The following ITFG1 variants were observed in gnomAD, a reference collection of about 807,000 sequenced individuals.
ITFG1 encodes integrin alpha FG-GAP repeat containing 1, also known as T-cell immunomodulatory protein.
A neutral mutation model predicts 81.8 loss-of-function variants in ITFG1; 34 were observed. The observed-to-expected ratio is 0.42, with a 90% CI of 0.32 to 0.55. The LOEUF is 0.55. Ranked by LOEUF, ITFG1 falls within the 20% of genes least tolerant of loss-of-function variation. ITFG1 has a pLI of 0.17. For missense variants in ITFG1, 672 were observed against 755.4 expected, an observed-to-expected ratio of 0.89 and a Z score of 1.29; for synonymous variants, 285 against 270.6, an observed-to-expected ratio of 1.05 and a Z score of -0.52.
At chr16:47,230,630 G>A (rs1965806058) in intron 13 of ITFG1, among the ~76,000 whole-genome samples, 1 of 152,218 alleles carries the variant, frequency 6.6e-6, no homozygotes, top group Non-Finnish European at 1.5e-5. Context: ...TCCTGGAGAG[G>A]AGGCAGGTGT....
chr16:47,459,322 T>G, intron 1 of ITFG1, 147 bp from the exon 2 acceptor site: 2 of 605,684 alleles, frequency 3.3e-6, no homozygotes, highest in Non-Finnish European at 5.9e-6. Flanking sequence ...ATAGTCCCAC[T>G]AGTCCAATGG....
intron 8 of ITFG1, among the ~76,000 whole-genome samples, chr16:47,345,143 C>A (rs747788679): frequency 6.6e-6 from 1 of 152,164 alleles, no homozygotes; most frequent in Non-Finnish European, 1.5e-5. Flanking sequence ...AAAAAAGGAA[C>A]TGGCAAGTCA....
chr16:47,373,469 C>G (rs192868849), intron 7 of ITFG1, among the ~76,000 whole-genome samples: 1 of 152,114 alleles, frequency 6.6e-6, no homozygotes, highest in East Asian at 1.9e-4. Context: ...TTAGTAGAGA[C>G]GGGGTTTCAC....
intron 14 of ITFG1, among the ~76,000 whole-genome samples, chr16:47,181,464 C>A (rs1193591318): frequency 4.1e-5 from 6 of 144,946 alleles, no homozygotes; most frequent in Non-Finnish European, 1.5e-5. Flanking sequence ...GGGGGTCAGC[C>A]CCCCCGCCCG....
chr16:47,226,360 C>T (rs1278564526), intron 13 of ITFG1, among the ~76,000 whole-genome samples: 3 of 152,176 alleles, frequency 2.0e-5, no homozygotes, highest in Non-Finnish European at 4.4e-5. Flanking sequence ...CAGGCATGCG[C>T]CACCACACCC....
At chr16:47,454,348 T>C (rs1969425787) in intron 2 of ITFG1, among the ~76,000 whole-genome samples, 190 bp from the exon 3 acceptor site, 2 of 152,198 alleles carry the variant, frequency 1.3e-5, no homozygotes, top group South Asian at 4.1e-4. Context: ...GAGTTCAGAA[T>C]GAATGCAGAA....
intron 14 of ITFG1, among the ~76,000 whole-genome samples, chr16:47,174,497 C>A (rs922591467): frequency 2.6e-5 from 4 of 152,044 alleles, no homozygotes; most frequent in African/African-American, 9.7e-5. Flanking sequence ...GTCAACATAA[C>A]ACTGAATTCT....
intron 13 of ITFG1, among the ~76,000 whole-genome samples, chr16:47,228,473 C>T (rs1197412846): frequency 6.6e-6 from 1 of 152,194 alleles, no homozygotes; most frequent in Non-Finnish European, 1.5e-5. Context: ...CCTCCCACCT[C>T]AGCCTCCTGA....
At chr16:47,347,726 G>C (rs1218437889) in intron 8 of ITFG1, among the ~76,000 whole-genome samples, 1 of 152,228 alleles carries the variant, frequency 6.6e-6, no homozygotes, top group African/African-American at 2.4e-5. Context: ...TCTGAGATCT[G>C]AGAACGGACA....
chr16:47,244,486 G>A (rs1423442062), intron 12 of ITFG1, among the ~76,000 whole-genome samples: 1 of 152,158 alleles, frequency 6.6e-6, no homozygotes, highest in Non-Finnish European at 1.5e-5. Context: ...TTGGTGACCA[G>A]AGATAAAATA....
At chr16:47,358,778 T>C (rs1215420928) in intron 8 of ITFG1, among the ~76,000 whole-genome samples, 2 of 152,220 alleles carry the variant, frequency 1.3e-5, no homozygotes, top group Non-Finnish European at 2.9e-5. Context: ...AAATAATTCA[T>C]TTAATATTAT....
intron 13 of ITFG1, among the ~76,000 whole-genome samples, chr16:47,228,448 T>C (rs1463863012): frequency 6.6e-6 from 1 of 152,182 alleles, no homozygotes; most frequent in Non-Finnish European, 1.5e-5. Context: ...CGGCCTTGAC[T>C]TGTGCTCAGG....
chr16:47,316,998 C>T (rs375397091), intron 8 of ITFG1, among the ~76,000 whole-genome samples: 22 of 152,258 alleles, frequency 1.4e-4, no homozygotes, highest in East Asian at 9.6e-4. Context: ...CTCAGGTTTT[C>T]TTGAAGGCCA....
intron 14 of ITFG1, among the ~76,000 whole-genome samples, chr16:47,172,731 T>G (rs1964976819): frequency 6.6e-6 from 1 of 152,332 alleles, no homozygotes; most frequent in South Asian, 2.1e-4. Context: ...TGCTACCACC[T>G]TGGTCCAAGC....
rs1457401163 is a variant in ITFG1 at position 47,155,404 on chromosome 16, C to T, written c.*315G>A. 1 of 181,308 alleles carries T rather than the reference C, an allele frequency of 5.5e-6. No homozygotes were observed. Among genetic ancestry groups the T allele is most frequent in the African/African-American group, 2.3e-5 (1 of 42,628 alleles). The allele number at this position is 181,308 out of a possible 1,614,324, so 11.2% of individuals were successfully genotyped here. On this transcript the variant is annotated 3_prime_UTR_variant, in exon 18 of 18. Coordinates refer to ENST00000320640, the MANE Select transcript of ITFG1 (RefSeq NM_030790.5). ...CTGCTCATTTAATTATTTTTATTTA[C>T]ACAACTTTTTCCATCATCATGATGC...
intron 14 of ITFG1, among the ~76,000 whole-genome samples, chr16:47,191,157 A>G (rs1485739085): frequency 1.3e-5 from 2 of 152,210 alleles, no homozygotes; most frequent in African/African-American, 4.8e-5. Flanking sequence ...ATGTTCATTA[A>G]GGTAAACTGT....
intron 6 of ITFG1, among the ~76,000 whole-genome samples, chr16:47,420,161 G>A (rs1968926472): frequency 6.6e-6 from 1 of 152,056 alleles, no homozygotes; most frequent in African/African-American, 2.4e-5. Flanking sequence ...AGATCCTCTT[G>A]TCATTGATTT....
Position 47,177,073 on chromosome 16 carries a change from C to A in ITFG1, c.1454-14409G>T, listed in dbSNP as rs143094135. ...CTCCTAGGCTCAAGTGATCCTCTGG[C>A]CTCATCCTCCAGAGTAGCTGGGAGT... On this transcript the variant is annotated intron_variant, in intron 14 of 17. Transcript: ENST00000320640. Among the ~76,000 whole-genome samples the A allele has an allele frequency of 4.4e-3, 676 of 151,980 alleles. 7 individuals carry two copies. The highest frequency in any genetic ancestry group is 0.024 in the Middle Eastern group (7 of 294).
At chr16:47,286,800 C>T (rs1019363165) in intron 10 of ITFG1, among the ~76,000 whole-genome samples, 3 of 152,118 alleles carry the variant, frequency 2.0e-5, no homozygotes, top group African/African-American at 7.2e-5. Flanking sequence ...AGCTTTGATA[C>T]ATTATACAGT....
Sources: gnomAD v4.1 joint callset for allele counts (sites outside exome capture counted in the v4.1 genomes callset) on GRCh38, gnomAD v4.1.1 for gene constraint, MANE v1.5 for transcripts, NCBI Gene and HGNC (gene_info 2026-07-23, HGNC 2026-07-21) for gene names.